CRTAC1: variants seen among roughly 807,000 people sequenced by gnomAD.
CRTAC1 encodes the protein cartilage acidic protein 1.
Under a neutral mutation model 67.8 loss-of-function variants are expected in CRTAC1, and 37 were observed. The observed-to-expected ratio is 0.55, with a 90% CI of 0.42 to 0.72. The LOEUF is 0.72. Ranked by LOEUF, CRTAC1 falls within the 30% of genes least tolerant of loss-of-function variation. CRTAC1 has a pLI of 0.00. For synonymous variants in CRTAC1, 348 were observed against 371.0 expected (o/e 0.94, Z 0.71); for missense variants, 780 against 931.6 (o/e 0.84, Z 2.12).
rs1843088387 is a variant in CRTAC1 at position 98,020,197 on chromosome 10, TG to T, written c.25-8861del. ...AGAGCTCCCTTCCTAAATCTCAGAG[TG>T]GGTCGTGTGGATCTTCATATGGACT... On this transcript the variant is annotated intron_variant, in intron 1 of 14. Coordinates refer to ENST00000370597, the MANE Select transcript of CRTAC1 (RefSeq NM_018058.7). 1.3e-5 allele frequency among the ~76,000 whole-genome samples: 2 copies of T among 152,082 alleles called. 1 individual carries two copies. Among genetic ancestry groups the T allele is most frequent in the South Asian group, 4.2e-4 (2 of 4,814 alleles).
chr10:97,917,730 A>G, intron 4 of CRTAC1, 74 bp from the exon 5 acceptor site: 1 of 1,239,364 alleles, frequency 8.1e-7, no homozygotes, highest in Non-Finnish European at 1.1e-6. Context: ...TCCCCACCCC[A>G]GGTAGGACCA....
intron 2 of CRTAC1, among the ~76,000 whole-genome samples, chr10:97,952,533 C>T (rs1357671298): frequency 1.0e-5 from 1 of 98,220 alleles, no homozygotes; most frequent in Non-Finnish European, 1.9e-5. Context: ...AGTGAAATTC[C>T]ATCTCAAAAA....
intron 5 of CRTAC1, among the ~76,000 whole-genome samples, chr10:97,913,410 A>T (rs2050717291): frequency 6.6e-6 from 1 of 152,142 alleles, no homozygotes; most frequent in Admixed American, 6.5e-5. Context: ...GACAGGCCCC[A>T]TCATTTGTTT....
At chr10:97,910,860 A>G (rs957234707) in intron 5 of CRTAC1, among the ~76,000 whole-genome samples, 1 of 152,202 alleles carries the variant, frequency 6.6e-6, no homozygotes, top group African/African-American at 2.4e-5. Context: ...TGCCTCCCAG[A>G]TTCCTCCCAG....
chr10:97,910,045 G>C (rs2050667577), intron 5 of CRTAC1, among the ~76,000 whole-genome samples: 1 of 152,136 alleles, frequency 6.6e-6, no homozygotes, highest in Non-Finnish European at 1.5e-5. Flanking sequence ...GTTTACTAGG[G>C]GCTAGGGGTA....
At chr10:97,952,135 A>G (rs1433671653) in intron 2 of CRTAC1, among the ~76,000 whole-genome samples, 5 of 151,990 alleles carry the variant, frequency 3.3e-5, no homozygotes, top group African/African-American at 7.2e-5. Context: ...GGCAGATCAC[A>G]AGGTCAGGAG....
At chr10:97,920,582 T>C (rs75855335) in intron 4 of CRTAC1, among the ~76,000 whole-genome samples, 2,215 of 152,312 alleles carry the variant, frequency 0.015, 24 homozygotes, top group Non-Finnish European at 0.024. Context: ...TCTGCATTTC[T>C]AACGAGTTCC....
chr10:97,996,387 G>GA (rs1349378652), intron 2 of CRTAC1, among the ~76,000 whole-genome samples: 2 of 150,782 alleles, frequency 1.3e-5, no homozygotes, highest in African/African-American at 4.9e-5. Flanking sequence ...AAATTTACAA[G>GA]AAAAAAACAA....
At chr10:97,865,807 A>G (rs1590165279) in intron 14 of CRTAC1, 93 bp from the exon 15 acceptor site, 3 of 548,924 alleles carry the variant, frequency 5.5e-6, no homozygotes, top group Admixed American at 3.5e-5. Flanking sequence ...CTTTGGGCTC[A>G]CCCTGCTGCC....
At chr10:97,882,260 G>A (rs1167437741) in intron 13 of CRTAC1, among the ~76,000 whole-genome samples, 2 of 152,168 alleles carry the variant, frequency 1.3e-5, no homozygotes, top group Admixed American at 6.5e-5. Flanking sequence ...CAGGCTCTTG[G>A]GGACTTTCAG....
chr10:97,931,624 CAT>C (rs1349479498), intron 3 of CRTAC1, among the ~76,000 whole-genome samples: 1 of 152,224 alleles, frequency 6.6e-6, no homozygotes, highest in Non-Finnish European at 1.5e-5. Context: ...GAGGGAGACA[CAT>C]AAATTATTAG....
chr10:97,894,711 CATATATATATATATAT>C (rs66795716), intron 11 of CRTAC1, among the ~76,000 whole-genome samples: 600 of 59,936 alleles, frequency 0.01, 13 homozygotes, highest in Middle Eastern at 0.02. Flanking sequence ...GATGCTTTTA[CATATATATATATATAT>C]ATATATATAT....
intron 2 of CRTAC1, among the ~76,000 whole-genome samples, chr10:97,970,036 C>A (rs2051682921): frequency 6.6e-6 from 1 of 152,172 alleles, no homozygotes; most frequent in Non-Finnish European, 1.5e-5. Flanking sequence ...ACTGAGCTCC[C>A]AGTAGCTCTT....
intron 14 of CRTAC1, chr10:97,870,873 T>C (rs1443385071): frequency 6.6e-6 from 1 of 152,180 alleles, no homozygotes; most frequent in African/African-American, 2.4e-5. Context: ...TCGACCCGAC[T>C]GCATTCAGGT....
At chr10:97,948,123 A>C (rs903449392) in intron 2 of CRTAC1, among the ~76,000 whole-genome samples, 1 of 151,602 alleles carries the variant, frequency 6.6e-6, no homozygotes, top group African/African-American at 2.4e-5. Flanking sequence ...AAAAAAAAAA[A>C]ACTCTTCTGA....
At chr10:98,011,078 C>T (rs771511700) in intron 2 of CRTAC1, 60 bp downstream of exon 2, 2 of 1,461,410 alleles carry the variant, frequency 1.4e-6, no homozygotes, top group Non-Finnish European at 1.9e-6. Flanking sequence ...AGTTGTTACA[C>T]AGCCTTATTA....
intron 2 of CRTAC1, among the ~76,000 whole-genome samples, chr10:97,948,695 C>T (rs1408184188): frequency 6.6e-6 from 1 of 152,138 alleles, no homozygotes; most frequent in Non-Finnish European, 1.5e-5. Context: ...AAGAGAGCAA[C>T]TAGACAGTAA....
intron 1 of CRTAC1, among the ~76,000 whole-genome samples, chr10:98,014,854 G>A (rs1267374085): frequency 6.6e-6 from 1 of 152,202 alleles, no homozygotes; most frequent in East Asian, 1.9e-4. Flanking sequence ...TGGCAGAAAT[G>A]TAAAATAATG....
chr10:97,971,599 C>T (rs1404790959), intron 2 of CRTAC1, among the ~76,000 whole-genome samples: 2 of 152,176 alleles, frequency 1.3e-5, no homozygotes, highest in African/African-American at 2.4e-5. Flanking sequence ...GGTTGCACAA[C>T]AACGTGGATG....
Sources: gnomAD v4.1 joint callset for allele counts (sites outside exome capture counted in the v4.1 genomes callset) on GRCh38, gnomAD v4.1.1 for gene constraint, MANE v1.5 for transcripts, NCBI Gene and HGNC (gene_info 2026-07-23, HGNC 2026-07-21) for gene names.